ANKRD28: variants seen among roughly 807,000 people sequenced by gnomAD.
The protein encoded by ANKRD28 is serine/threonine-protein phosphatase 6 regulatory ankyrin repeat subunit A.
ANKRD28 carries 44 observed loss-of-function variants against 126.5 expected under a neutral mutation model. The ratio of observed to expected loss-of-function variants is 0.35; its 90% CI spans 0.27 to 0.45. ANKRD28 has a LOEUF of 0.45. ANKRD28 is among the 20% of genes least tolerant of loss of function. ANKRD28 has a pLI of 1.00. For synonymous variants in ANKRD28, 442 were observed against 468.5 expected, an observed-to-expected ratio of 0.94 and a Z score of 0.73; for missense variants, 1,110 against 1,316.6, an observed-to-expected ratio of 0.84 and a Z score of 2.43.
At chr3:15,737,314 G>GTA in intron 4 of ANKRD28, 81 bp from the exon 5 acceptor site, 1 of 1,119,464 alleles carries the variant, frequency 8.9e-7, no homozygotes, top group Non-Finnish European at 1.3e-6. Flanking sequence ...GCGTGTGTGT[G>GTA]TATAAATATG....
rs1304649274 is a variant in ANKRD28 at position 15,833,754 on chromosome 3, C to G, written c.27+25623G>C. Among the ~76,000 whole-genome samples the G allele has an allele frequency of 6.6e-6, 1 of 151,848 alleles. No individual in the cohort carries two copies. The highest frequency in any genetic ancestry group is 1.5e-5 in the Non-Finnish European group (1 of 67,988). On this transcript the variant is annotated intron_variant, in intron 1 of 27. Transcript: ENST00000399451. This position sits in a 1 kb window ranked among gnomAD's most constrained non-coding sequence, Gnocchi z 4.4. Reference sequence around the variant, plus strand: ...ATCAGAACTTGGCAATGACCTTGAGCAGTAGGATATAAATAACTCCCACAT... The same window carrying G: ...ATCAGAACTTGGCAATGACCTTGAGGAGTAGGATATAAATAACTCCCACAT...
intron 4 of ANKRD28, among the ~76,000 whole-genome samples, chr3:15,737,797 G>T (rs1312110674): frequency 6.6e-6 from 1 of 151,242 alleles, no homozygotes; most frequent in Non-Finnish European, 1.5e-5. Context: ...TTAAGCAATA[G>T]ATTTTTTACA....
At chr3:15,857,710 C>T (rs541539175) in intron 1 of ANKRD28, among the ~76,000 whole-genome samples, 3 of 152,344 alleles carry the variant, frequency 2.0e-5, no homozygotes, top group South Asian at 4.1e-4. Context: ...TTTTGCTTAA[C>T]ACAATCCTGA....
Position 15,845,075 on chromosome 3 carries a change from A to G in ANKRD28, c.27+14302T>C, listed in dbSNP as rs1183400920. Reference sequence around the variant, plus strand: ...TTTTAAACAACCAGATCTCACGAGAATGTAGAACAGTACCAAAGGGGAAAT... The same window carrying G: ...TTTTAAACAACCAGATCTCACGAGAGTGTAGAACAGTACCAAAGGGGAAAT... On this transcript the variant is annotated intron_variant, in intron 1 of 27. Coordinates refer to the ANKRD28 transcript ENST00000399451. This position sits in a 1 kb window ranked among gnomAD's most constrained non-coding sequence, Gnocchi z 4.9. Among the ~76,000 whole-genome samples the G allele has an allele frequency of 6.6e-6, 1 of 152,184 alleles. No individual in the cohort carries two copies. Among genetic ancestry groups the G allele is most frequent in the Non-Finnish European group, 1.5e-5 (1 of 68,026 alleles).
At chr3:15,738,314 C>G (rs1340876812) in intron 4 of ANKRD28, among the ~76,000 whole-genome samples, 1 of 152,006 alleles carries the variant, frequency 6.6e-6, no homozygotes, top group African/African-American at 2.4e-5. Context: ...GCAAAACCAG[C>G]AAGTTTTTAT....
At chr3:15,700,471 A>AG (rs969714254) in intron 14 of ANKRD28, among the ~76,000 whole-genome samples, 7 of 151,344 alleles carry the variant, frequency 4.6e-5, no homozygotes, top group African/African-American at 1.5e-4. Flanking sequence ...AAAAAAAAAA[A>AG]TTAATTAAAA....
At chr3:15,823,522 C>G (rs2060989984) in intron 1 of ANKRD28, among the ~76,000 whole-genome samples, 1 of 152,146 alleles carries the variant, frequency 6.6e-6, no homozygotes, top group South Asian at 2.1e-4. Context: ...AGAGGGAGAA[C>G]TTGAATATTC....
chr3:15,682,078 C>T (rs1421618447), intron 21 of ANKRD28, among the ~76,000 whole-genome samples: 14 of 151,476 alleles, frequency 9.2e-5, no homozygotes, highest in Non-Finnish European at 8.8e-5. Flanking sequence ...CCTGGGGTGA[C>T]GCAAAAAAAA....
intron 20 of ANKRD28, among the ~76,000 whole-genome samples, 187 bp downstream of exon 20, chr3:15,685,815 G>T (rs2068049736): frequency 1.3e-5 from 2 of 152,092 alleles, no homozygotes; most frequent in African/African-American, 4.8e-5. Flanking sequence ...TTCTAACATT[G>T]TTCTCTAGAT....
Position 15,724,425 on chromosome 3 carries a change from C to T in ANKRD28, c.740G>A (p.Gly247Glu). The T allele has an allele frequency of 1.9e-6, 3 of 1,606,694 alleles. No individual in the cohort carries two copies. The highest frequency in any genetic ancestry group is 2.6e-6 in the Non-Finnish European group (3 of 1,176,276). ...AAGGTACTTGACTACGCTGATCATT[C>T]CACTAGAGGCTGCTGCATGAAGAGG... The part of the protein sequence containing the change: ...YTPLHAAASS[G>E]MISVVKYLLD... Residue 247 changes from glycine (G) to glutamate (E), a missense_variant, in exon 7 of 28, where the codon GGA (glycine) becomes GAA (glutamate). Coordinates refer to ENST00000683139, the MANE Select transcript of ANKRD28 (RefSeq NM_001349278.2).
intron 1 of ANKRD28, among the ~76,000 whole-genome samples, chr3:15,850,201 A>AT (rs1559598063): frequency 0.019 from 1,008 of 52,230 alleles, 36 homozygotes; most frequent in East Asian, 0.14. Flanking sequence ...AAAAAAAAAA[A>AT]AAAATATATA....
At chr3:15,776,922 A>T (rs1408303699) in intron 2 of ANKRD28, among the ~76,000 whole-genome samples, 1 of 152,198 alleles carries the variant, frequency 6.6e-6, no homozygotes, top group Non-Finnish European at 1.5e-5. Context: ...GCCTAAGAAC[A>T]GTCGTTGCTT....
intron 1 of ANKRD28, among the ~76,000 whole-genome samples, chr3:15,821,682 T>C (rs894944772): frequency 5.9e-5 from 9 of 152,196 alleles, no homozygotes; most frequent in South Asian, 2.1e-4. Context: ...TAGGTTTTCA[T>C]AGGAAAACGC....
intron 10 of ANKRD28, among the ~76,000 whole-genome samples, chr3:15,712,575 A>C (rs1265231796): frequency 6.6e-6 from 1 of 152,212 alleles, no homozygotes; most frequent in Non-Finnish European, 1.5e-5. Flanking sequence ...GTGACAACCA[A>C]AAATGTATCT....
rs1575784381 is a variant in ANKRD28 at position 15,830,075 on chromosome 3, T to A, written c.27+29302A>T. On this transcript the variant is annotated intron_variant, in intron 1 of 27. Transcript: ENST00000399451. The surrounding 1 kb of genome is among the most constrained non-coding windows in gnomAD (Gnocchi z 4.5). ...AGTAATTTATACTTAAAAACAATCT[T>A]AAGGGAAATAGGCTTTTCCCTCCCC... Among the ~76,000 whole-genome samples the A allele has an allele frequency of 6.6e-6, 1 of 152,140 alleles. No individual in the cohort carries two copies. Among genetic ancestry groups the A allele is most frequent in the East Asian group, 1.9e-4 (1 of 5,194 alleles).
At chr3:15,840,118 G>A (rs2061398633) in intron 1 of ANKRD28, among the ~76,000 whole-genome samples, 2 of 152,126 alleles carry the variant, frequency 1.3e-5, no homozygotes, top group Admixed American at 1.3e-4. Flanking sequence ...CTTGTCTGCA[G>A]ATGATATGAT....
intron 4 of ANKRD28, among the ~76,000 whole-genome samples, chr3:15,748,992 T>C: frequency 6.6e-6 from 1 of 152,224 alleles, no homozygotes; most frequent in African/African-American, 2.4e-5. Flanking sequence ...GCTGAGACTT[T>C]CCAGTGCATT....
intron 21 of ANKRD28, among the ~76,000 whole-genome samples, chr3:15,682,603 G>A (rs1207071630): frequency 6.6e-6 from 1 of 152,138 alleles, no homozygotes; most frequent in East Asian, 1.9e-4. Context: ...CTGAAATTGT[G>A]AACTTTTAGT....
In ANKRD28 at chr3:15,726,257, G is replaced by T. The variant is rs150490941; in HGVS notation, c.641-1733C>A. 4.6e-3 allele frequency among the ~76,000 whole-genome samples: 707 copies of T among 152,308 alleles called. 28 individuals are homozygous for T. The highest frequency in any genetic ancestry group is 0.042 in the Admixed American group (641 of 15,296). ...AGAAATGACTAAGCTTAGTGAGAAAGGCATGTTGAAACGTGAGACAGGCTG... is the reference window on the plus strand; with the variant it reads ...AGAAATGACTAAGCTTAGTGAGAAATGCATGTTGAAACGTGAGACAGGCTG... On this transcript the variant is annotated intron_variant, in intron 6 of 27. Transcript: ENST00000683139.
Sources: gnomAD v4.1 joint callset for allele counts (sites outside exome capture counted in the v4.1 genomes callset) on GRCh38, gnomAD v4.1.1 for gene constraint, Gnocchi (gnomAD v3.1) non-coding constraint, MANE v1.5 for transcripts, NCBI Gene and HGNC (gene_info 2026-07-23, HGNC 2026-07-21) for gene names.